Variants in DNTTIP1 observed in about 807,000 individuals in gnomAD.
DNTTIP1 encodes deoxynucleotidyltransferase terminal-interacting protein 1.
DNTTIP1 carries 22 observed loss-of-function variants against 52.9 expected under a neutral mutation model. The ratio of observed to expected loss-of-function variants is 0.42; its 90% CI spans 0.30 to 0.59. DNTTIP1 has a LOEUF of 0.59. Ranked by LOEUF, DNTTIP1 falls within the 20% of genes least tolerant of loss-of-function variation. The pLI is 0.22. For missense variants in DNTTIP1, 286 were observed against 435.5 expected, an observed-to-expected ratio of 0.66 and a Z score of 3.06; for synonymous variants, 136 against 155.1, an observed-to-expected ratio of 0.88 and a Z score of 0.92.
intron 4 of DNTTIP1, chr20:45,796,420 A>G (rs1294545261): frequency 4.3e-6 from 2 of 465,446 alleles, no homozygotes; most frequent in Non-Finnish European, 8.9e-6. Context: ...TAAGACACAT[A>G]ATAATTAGAA....
intron 8 of DNTTIP1, among the ~76,000 whole-genome samples, chr20:45,804,667 G>A (rs1981577626): frequency 6.6e-6 from 1 of 152,126 alleles, no homozygotes; most frequent in Non-Finnish European, 1.5e-5. Context: ...TCTGTTAGCA[G>A]CACAGAATTA....
chr20:45,792,396 C>T, intron 1 of DNTTIP1: 1 of 435,952 alleles, frequency 2.3e-6, no homozygotes, highest in East Asian at 3.5e-5. Flanking sequence ...GCGGGTACAA[C>T]GCCCCGGACA....
chr20:45,793,442 G>A (rs560940621), intron 2 of DNTTIP1, among the ~76,000 whole-genome samples: 289 of 152,284 alleles, frequency 1.9e-3, no homozygotes, highest in African/African-American at 6.6e-3. Context: ...GCTCACGCCT[G>A]TAATCCCAGC....
At chr20:45,805,566 A>G (rs941176776) in intron 10 of DNTTIP1, among the ~76,000 whole-genome samples, 200 bp downstream of exon 10, 5 of 152,186 alleles carry the variant, frequency 3.3e-5, no homozygotes, top group African/African-American at 1.2e-4. Flanking sequence ...CTTTGCTTGC[A>G]TGCTTACTGG....
At chr20:45,805,851 A>G (rs1981621117) in intron 10 of DNTTIP1, among the ~76,000 whole-genome samples, 3 of 152,176 alleles carry the variant, frequency 2.0e-5, no homozygotes, top group Non-Finnish European at 2.9e-5. Context: ...TGGGAGGCCA[A>G]GGCGGGTGGA....
chr20:45,796,315 C>T, intron 4 of DNTTIP1: 1 of 368,100 alleles, frequency 2.7e-6, no homozygotes, highest in South Asian at 2.1e-5. Context: ...ACATTGTACA[C>T]CTTGAATATA....
chr20:45,792,738 T>C lies in DNTTIP1; in HGVS notation c.167T>C (p.Met56Thr). 1 of 1,612,076 alleles carries C rather than the reference T, an allele frequency of 6.2e-7. No individual in the cohort carries two copies. The highest frequency in any genetic ancestry group is 1.1e-5 in the South Asian group (1 of 90,870). ...QVQRRGRRSQ[M>T]TTSFTDPAIS... is the part of the protein sequence containing the mutation. ...CAGCGGAGGGGCCGCCGCTCACAGA[T>C]GACAACAAGGTAAGGCTGGCCCTGC... is the stretch of plus-strand genomic sequence containing the variant. The change falls in exon 2 of 13, where the codon ATG becomes ACG. Residue 56 changes from methionine to threonine, a missense_variant. By Grantham distance (81) the Met-to-Thr change is moderately conservative. Around this residue, in one of 2 missense-constraint regions of DNTTIP1, gnomAD observed 208 missense variants for 266.5 expected, o/e 0.78. Coordinates refer to ENST00000372622, the MANE Select transcript of DNTTIP1 (RefSeq NM_052951.3).
intron 10 of DNTTIP1, among the ~76,000 whole-genome samples, chr20:45,807,737 A>G (rs1174062185): frequency 1.3e-5 from 2 of 151,848 alleles, no homozygotes; most frequent in Non-Finnish European, 2.9e-5. Context: ...ACCTGAGGTC[A>G]GGAGTTCAAG....
rs942415592 is a variant in DNTTIP1 at position 45,792,664 on chromosome 20, T to C, written c.106-13T>C. On this transcript the variant is annotated splice_polypyrimidine_tract_variant and intron_variant, in intron 1 of 12. Transcript: ENST00000372622. ...ACAGGCCGCAGTGACATTTGTTCCG[T>C]TGGTCCCCACAGAACCCTTGGAACA... The C allele has an allele frequency of 2.5e-6, 4 of 1,591,174 alleles. No homozygotes were observed. The highest frequency in any genetic ancestry group is 1.4e-5 in the African/African-American group (1 of 73,688).
chr20:45,801,969 C>G, intron 6 of DNTTIP1, 30 bp from the exon 7 acceptor site: 2 of 1,613,210 alleles, frequency 1.2e-6, no homozygotes, highest in Non-Finnish European at 1.7e-6. Flanking sequence ...ACCACAGGGT[C>G]AGACCTCTGA....
intron 11 of DNTTIP1, among the ~76,000 whole-genome samples, chr20:45,810,680 T>A (rs1031670211): frequency 6.6e-6 from 1 of 150,430 alleles, no homozygotes; most frequent in Non-Finnish European, 1.5e-5. Context: ...TACTCTCCCA[T>A]CCATGAAGCA....
chr20:45,805,315 G>A lies in DNTTIP1; in HGVS notation c.672G>A (p.Gly224=). Residue 224 remains glycine (G), a synonymous_variant, in exon 10 of 13, where the codon GGG becomes GGA. Transcript: ENST00000372622. ...GGCTTTTACTTTTCAGAGCCCTGGG[G>A]ATGGGGGGCACCAGAGGAAGAATCT... ...VLGSRANKAL[G]MGGTRGRIYI... is the part of the protein sequence containing the mutation. 1 of 1,614,162 alleles carries A rather than the reference G, an allele frequency of 6.2e-7. No homozygotes were observed. The highest frequency in any genetic ancestry group is 2.2e-5 in the East Asian group (1 of 44,886).
chr20:45,795,180 C>G (rs1313355483), intron 3 of DNTTIP1, among the ~76,000 whole-genome samples, 165 bp from the exon 4 acceptor site: 1 of 152,162 alleles, frequency 6.6e-6, no homozygotes, highest in Non-Finnish European at 1.5e-5. Flanking sequence ...GGGAGGAGGT[C>G]AAGCCTGAAA....
chr20:45,800,979 GCAAGAC>G, intron 4 of DNTTIP1, 89 bp from the exon 5 acceptor site: 7 of 1,057,306 alleles, frequency 6.6e-6, no homozygotes, highest in Non-Finnish European at 8.7e-6. Context: ...GAGCAACAGA[GCAAGAC>G]TCTGTCTCCA....
rs993088755 is a variant in DNTTIP1 at position 45,801,238 on chromosome 20, C to T, written c.441+96C>T. On this transcript the variant is annotated intron_variant, in intron 5 of 12. Transcript: ENST00000372622. ...GGCCCAGGGAGGTTCCATGTACTTC[C>T]ATTTGTAGGACCAGGCCCACACAGC... 7.7e-6 allele frequency: 11 copies of T among 1,420,362 alleles called. No individual in the cohort carries two copies. The South Asian group carries it at 1.2e-4, about 15-fold the overall frequency. The allele number at this position is 1,420,362 out of a possible 1,614,324, so 88.0% of individuals were successfully genotyped here.
intron 7 of DNTTIP1, among the ~76,000 whole-genome samples, chr20:45,802,474 A>G (rs923140311): frequency 1.3e-5 from 2 of 152,126 alleles, no homozygotes; most frequent in Non-Finnish European, 2.9e-5. Context: ...TTTCAAATAT[A>G]TATTTTTTTA....
At chr20:45,797,110 T>C (rs1347371347) in intron 4 of DNTTIP1, among the ~76,000 whole-genome samples, 1 of 152,236 alleles carries the variant, frequency 6.6e-6, no homozygotes, top group East Asian at 1.9e-4. Flanking sequence ...ACATTCACCG[T>C]TACCCAGTTC....
chr20:45,800,735 ATATATATATATATATATATAT>A (rs1981435322), intron 4 of DNTTIP1, among the ~76,000 whole-genome samples: 2 of 62,254 alleles, frequency 3.2e-5, no homozygotes, highest in African/African-American at 1.2e-4. Flanking sequence ...ATATATATAT[ATATATATATATATATATATAT>A]TTGGAAGTGG....
At chr20:45,810,983 C>G in intron 12 of DNTTIP1, 43 bp downstream of exon 12, 1 of 1,614,060 alleles carries the variant, frequency 6.2e-7, no homozygotes, top group Non-Finnish European at 8.5e-7. Flanking sequence ...CTCCCTGCCT[C>G]CAAATAGCCC....
Sources: gnomAD v4.1 joint callset for allele counts (sites outside exome capture counted in the v4.1 genomes callset) on GRCh38, gnomAD v4.1.1 for gene constraint, gnomAD v4.1.1 regional missense constraint, MANE v1.5 for transcripts, NCBI Gene and HGNC (gene_info 2026-07-23, HGNC 2026-07-21) for gene names.